NUCB2: variants seen among roughly 807,000 people sequenced by gnomAD.
NUCB2 encodes the protein nucleobindin 2.
A neutral mutation model predicts 57.9 loss-of-function variants in NUCB2; 48 were observed. The ratio of observed to expected loss-of-function variants is 0.83; its 90% CI spans 0.66 to 1.05. NUCB2 has a LOEUF of 1.05. Among genes scored for constraint, NUCB2 ranks in the 50% least tolerant of loss-of-function variants. NUCB2 has a pLI of 0.00. For synonymous variants in NUCB2, 139 were observed against 152.1 expected (o/e 0.91, Z 0.64); for missense variants, 442 against 476.2 (o/e 0.93, Z 0.67).
chr11:17,345,306 T>A (rs192729915), intron 2 of NUCB2, among the ~76,000 whole-genome samples: 3 of 152,352 alleles, frequency 2.0e-5, no homozygotes, highest in Admixed American at 2.0e-4. Context: ...TTAAGAATGA[T>A]GGTTTACATA....
chr11:17,339,821 A>G (rs966701164), intron 2 of NUCB2, among the ~76,000 whole-genome samples: 4 of 152,124 alleles, frequency 2.6e-5, no homozygotes, highest in African/African-American at 9.7e-5. Context: ...ATACGTGTGC[A>G]TGTGTCTTTA....
chr11:17,330,388 A>G lies in NUCB2; in HGVS notation c.1173+91A>G, dbSNP rs929635068. 8.4e-6 allele frequency: 7 copies of G among 837,500 alleles called. No homozygotes were observed. The highest frequency in any genetic ancestry group is 1.3e-5 in the Non-Finnish European group (7 of 538,328). 51.9% of individuals were successfully genotyped at this position (837,500 alleles called of 1,614,324 possible). A position where few individuals can be genotyped will look rare whatever the true frequency, so the allele number is the denominator to read the frequency against. On this transcript the variant is annotated intron_variant, in intron 12 of 13. Coordinates refer to ENST00000529010, the MANE Select transcript of NUCB2 (RefSeq NM_005013.4). The surrounding 1 kb of genome is among the most constrained non-coding windows in gnomAD (Gnocchi z 4.3). ...TTTGTAACATATTTCATTGTACTAT[A>G]TAGTACACTGCTATAGCTATACTAT... is the stretch of plus-strand genomic sequence containing the variant.
At chr11:17,313,770 ACT>A (rs1484725903) in intron 10 of NUCB2, among the ~76,000 whole-genome samples, 1 of 150,176 alleles carries the variant, frequency 6.7e-6, no homozygotes, top group Non-Finnish European at 1.5e-5. Flanking sequence ...CTCATACCTC[ACT>A]CTCTCTTCTT....
intron 10 of NUCB2, among the ~76,000 whole-genome samples, chr11:17,314,149 A>G (rs1472273306): frequency 2.6e-5 from 4 of 151,938 alleles, no homozygotes; most frequent in African/African-American, 4.8e-5. Flanking sequence ...CATTTCCTCT[A>G]TAAGTTCTGT....
At chr11:17,316,172 A>G (rs538135348) in intron 11 of NUCB2, among the ~76,000 whole-genome samples, 56 of 152,172 alleles carry the variant, frequency 3.7e-4, no homozygotes, top group African/African-American at 1.2e-3. Context: ...GGGTTTCACC[A>G]TCTTGGCCAG....
intron 11 of NUCB2, among the ~76,000 whole-genome samples, chr11:17,326,311 G>GTTTTTTTTTT (rs60955119): frequency 2.8e-5 from 2 of 71,274 alleles, no homozygotes; most frequent in Non-Finnish European, 5.5e-5. Context: ...CATTGTTACC[G>GTTTTTTTTTT]TTTTTTTTTT....
At chr11:17,313,246 T>G (rs192751986) in intron 10 of NUCB2, among the ~76,000 whole-genome samples, 25 of 152,110 alleles carry the variant, frequency 1.6e-4, no homozygotes, top group African/African-American at 5.1e-4. Context: ...CTTTTTTTTT[T>G]GGGCTGGGCA....
intron 2 of NUCB2, among the ~76,000 whole-genome samples, chr11:17,339,313 T>C (rs954009025): frequency 6.6e-6 from 1 of 152,168 alleles, no homozygotes; most frequent in Admixed American, 6.5e-5. Context: ...TGAGTAATGA[T>C]TTATTTTCCA....
Position 17,332,102 on chromosome 11 carries a change from G to A in NUCB2, c.*683G>A, listed in dbSNP as rs1344188439. Reference sequence around the variant, plus strand: ...AATAGGAGTTTTTCTTCTTACATAAGTCTAGAAGTAGGTGGTGTCCAGGTT... The same window carrying A: ...AATAGGAGTTTTTCTTCTTACATAAATCTAGAAGTAGGTGGTGTCCAGGTT... On this transcript the variant is annotated 3_prime_UTR_variant, in exon 14 of 14. Coordinates refer to ENST00000529010, the MANE Select transcript of NUCB2 (RefSeq NM_005013.4). 1.3e-5 allele frequency: 2 copies of A among 152,130 alleles called. No individual in the cohort carries two copies. The highest frequency in any genetic ancestry group is 4.8e-5 in the African/African-American group (2 of 41,402). The allele number at this position is 152,130 out of a possible 1,614,324, so 9.4% of individuals were successfully genotyped here. A position where few individuals can be genotyped will look rare whatever the true frequency, so the allele number is the denominator to read the frequency against.
At chr11:17,325,228 A>C (rs981188427) in intron 11 of NUCB2, among the ~76,000 whole-genome samples, 1 of 151,896 alleles carries the variant, frequency 6.6e-6, no homozygotes, top group Non-Finnish European at 1.5e-5. Context: ...ATTATGTCCA[A>C]TGTTACTTTG....
chr11:17,296,243 G>T, intron 4 of NUCB2, 32 bp downstream of exon 4: 1 of 1,364,042 alleles, frequency 7.3e-7, no homozygotes, highest in Admixed American at 2.0e-5. Flanking sequence ...ATACATATAT[G>T]TATCTTAATT....
chr11:17,345,284 T>C (rs16933981), intron 2 of NUCB2, among the ~76,000 whole-genome samples: 2,461 of 152,326 alleles, frequency 0.016, 66 homozygotes, highest in African/African-American at 0.056. Flanking sequence ...ATTAATTATG[T>C]CTTAGAACCA....
At chr11:17,312,184 C>G (rs1474658447) in intron 10 of NUCB2, 64 bp downstream of exon 10, 1 of 874,592 alleles carries the variant, frequency 1.1e-6, no homozygotes, top group Non-Finnish European at 1.8e-6. Flanking sequence ...TGCAATAAAT[C>G]TTTAAGATGG....
At chr11:17,286,014 A>G (rs1230735893) in intron 2 of NUCB2, among the ~76,000 whole-genome samples, 1 of 151,992 alleles carries the variant, frequency 6.6e-6, no homozygotes, top group African/African-American at 2.4e-5. Flanking sequence ...AGTAGCTAAG[A>G]AATCTGCCTC....
chr11:17,320,267 C>T (rs960537948), intron 11 of NUCB2, among the ~76,000 whole-genome samples: 1 of 152,186 alleles, frequency 6.6e-6, no homozygotes, highest in African/African-American at 2.4e-5. Context: ...ACCTAACTCC[C>T]TTTTCCTTAA....
chr11:17,304,978 C>A (rs1947380277), intron 5 of NUCB2, among the ~76,000 whole-genome samples: 1 of 152,182 alleles, frequency 6.6e-6, no homozygotes, highest in Admixed American at 6.5e-5. Flanking sequence ...AAAATATATA[C>A]TTTTATTTTT....
chr11:17,338,389 C>G (rs1951978919), intron 2 of NUCB2, among the ~76,000 whole-genome samples: 1 of 152,188 alleles, frequency 6.6e-6, no homozygotes, highest in South Asian at 2.1e-4. Flanking sequence ...TGACAGTGCA[C>G]TTCTCTTTCT....
chr11:17,349,934 C>T (rs1953063812), exon 3 of NUCB2: 1 of 152,214 alleles, frequency 6.6e-6, no homozygotes, highest in African/African-American at 2.4e-5. Context: ...TGTCTCAATG[C>T]TGTGCACCAA....
At chr11:17,325,275 AG>A (rs1950533108) in intron 11 of NUCB2, among the ~76,000 whole-genome samples, 1 of 152,196 alleles carries the variant, frequency 6.6e-6, no homozygotes, top group South Asian at 2.1e-4. Context: ...TAATGCTGAA[AG>A]TGGGGTGTTG....
Sources: allele counts gnomAD v4.1 joint callset (sites outside exome capture counted in the v4.1 genomes callset), GRCh38; gene constraint gnomAD v4.1.1; non-coding constraint Gnocchi (gnomAD v3.1); transcripts MANE v1.5; gene names NCBI Gene and HGNC (gene_info 2026-07-23, HGNC 2026-07-21).